DLGAP5: variants seen among roughly 807,000 people sequenced by gnomAD.
DLGAP5 encodes the protein disks large-associated protein 5.
DLGAP5 carries 90 observed loss-of-function variants against 99.6 expected under a neutral mutation model. That is an observed-to-expected ratio of 0.90 (90% CI 0.76 to 1.08). DLGAP5 has a LOEUF of 1.08. Among genes scored for constraint, DLGAP5 ranks in the 50% least tolerant of loss-of-function variants. The probability of loss-of-function intolerance (pLI) is 0.00; values close to 1 mark genes in which losing one functional copy is unlikely to be tolerated. For synonymous variants in DLGAP5, 311 were observed against 321.3 expected (o/e 0.97, Z 0.34); for missense variants, 1,036 against 983.5 (o/e 1.05, Z -0.71).
At chr14:55,169,372 A>T (rs756424202) in intron 12 of DLGAP5, 27 bp downstream of exon 12, 18 of 1,427,564 alleles carry the variant, frequency 1.3e-5, no homozygotes, top group Non-Finnish European at 1.7e-5. Context: ...CCCTAAGTTA[A>T]TATATTTGAA....
intron 7 of DLGAP5, among the ~76,000 whole-genome samples, chr14:55,178,566 G>C (rs78492545): frequency 0.012 from 1,868 of 152,312 alleles, 42 homozygotes; most frequent in African/African-American, 0.043. Context: ...TAACACTGTT[G>C]AAGCCAGCAT....
chr14:55,160,317 C>G (rs948710963), intron 13 of DLGAP5, among the ~76,000 whole-genome samples: 3 of 151,370 alleles, frequency 2.0e-5, no homozygotes, highest in African/African-American at 7.3e-5. Context: ...ACAGCTTGAA[C>G]CTGGGAGGCA....
At chr14:55,148,600 TC>T (rs1881904143) in intron 18 of DLGAP5, 127 bp from the exon 19 acceptor site, 1 of 1,543,592 alleles carries the variant, frequency 6.5e-7, no homozygotes, top group Non-Finnish European at 8.7e-7. Flanking sequence ...ACACCTGTAG[TC>T]CCAGCTACTC....
At chr14:55,167,391 G>C (rs1882682780) in intron 12 of DLGAP5, among the ~76,000 whole-genome samples, 1 of 152,054 alleles carries the variant, frequency 6.6e-6, no homozygotes, top group Non-Finnish European at 1.5e-5. Context: ...TATGAAAACT[G>C]GTAAATATAT....
intron 10 of DLGAP5, among the ~76,000 whole-genome samples, chr14:55,172,943 T>C (rs1162986770): frequency 5.8e-5 from 8 of 138,084 alleles, no homozygotes; most frequent in African/African-American, 1.4e-4. Flanking sequence ...GATCGCGCCA[T>C]TGCACTCCGG....
At chr14:55,153,827 G>T (rs1882107737) in intron 15 of DLGAP5, among the ~76,000 whole-genome samples, 1 of 152,242 alleles carries the variant, frequency 6.6e-6, no homozygotes, top group South Asian at 2.1e-4. Context: ...GGAGGCCAAG[G>T]CTGGCAGATC....
At chr14:55,156,313 G>A (rs1161017990) in intron 14 of DLGAP5, among the ~76,000 whole-genome samples, 1 of 152,018 alleles carries the variant, frequency 6.6e-6, no homozygotes, top group Non-Finnish European at 1.5e-5. Flanking sequence ...AAAAACAGAA[G>A]GGTCTCTGGT....
chr14:55,187,651 G>T lies in DLGAP5; in HGVS notation c.238+1291C>A, dbSNP rs117960428. Among the ~76,000 whole-genome samples, 225 of 149,812 alleles carry T rather than the reference G, an allele frequency of 1.5e-3. 5 individuals carry two copies. The East Asian group carries it at 0.042, about 28-fold the overall frequency. On this transcript the variant is annotated intron_variant, in intron 2 of 18. Transcript: ENST00000247191. ...TCTTTTTTTTTTTTTTAGGAGACAG[G>T]ATCTCCATGTGTGGCCGAGGCCAGA... is the stretch of plus-strand genomic sequence containing the variant.
rs1257972861 is a variant in DLGAP5, at chr14:55,183,723, C to T, written c.269G>A (p.Arg90Gln). The change falls in exon 3 of 19, where the codon CGA becomes CAA. Residue 90 changes from arginine (R) to glutamine (Q), a missense_variant. Transcript: ENST00000247191. ...RAMKTILGDQ[R>Q]KQMLQKYKEE... ...TTTGTATTTTTGGAGCATCTGTTTT[C>T]GTTGATCACCTAGAATAGTTTTCAT... 2.5e-6 allele frequency: 4 copies of T among 1,603,740 alleles called. No individual in the cohort carries two copies. The highest frequency in any genetic ancestry group is 3.4e-6 in the Non-Finnish European group (4 of 1,175,516).
chr14:55,161,024 A>C (rs1248102168), intron 13 of DLGAP5, among the ~76,000 whole-genome samples: 1 of 152,114 alleles, frequency 6.6e-6, no homozygotes, highest in Admixed American at 6.6e-5. Flanking sequence ...ATGTTTAAAG[A>C]CTGATGGAAA....
At chr14:55,170,881 TATAAA>T in intron 10 of DLGAP5, 94 bp from the exon 11 acceptor site, 1 of 852,530 alleles carries the variant, frequency 1.2e-6, no homozygotes, top group Non-Finnish European at 1.9e-6. Context: ...ATTAGGAAGT[TATAAA>T]AGGGAGCCAC....
intron 12 of DLGAP5, among the ~76,000 whole-genome samples, chr14:55,165,571 C>T (rs72718810): frequency 0.01 from 1,584 of 152,070 alleles, 9 homozygotes; most frequent in Middle Eastern, 0.024. Context: ...TGAGATACCT[C>T]ATACCCACTA....
chr14:55,175,238 C>A (rs1263697606), intron 10 of DLGAP5, 108 bp downstream of exon 10: 2 of 910,160 alleles, frequency 2.2e-6, no homozygotes, highest in Non-Finnish European at 3.3e-6. Flanking sequence ...GTGAAAATCA[C>A]CTAACACCAG....
intron 12 of DLGAP5, among the ~76,000 whole-genome samples, chr14:55,165,449 G>C (rs1029685356): frequency 1.3e-5 from 2 of 152,078 alleles, no homozygotes; most frequent in African/African-American, 4.8e-5. Flanking sequence ...TTTGAGCCCA[G>C]GAAGTGGAGG....
chr14:55,185,638 T>G (rs971920074), intron 2 of DLGAP5, among the ~76,000 whole-genome samples: 1 of 152,176 alleles, frequency 6.6e-6, no homozygotes, highest in African/African-American at 2.4e-5. Flanking sequence ...CATGCGCCAC[T>G]GCGCCTGGCT....
intron 16 of DLGAP5, among the ~76,000 whole-genome samples, 156 bp from the exon 17 acceptor site, chr14:55,152,097 CAA>C (rs777525315): frequency 3.3e-5 from 5 of 152,176 alleles, no homozygotes; most frequent in Non-Finnish European, 5.9e-5. Context: ...GCTTCTTCAA[CAA>C]TTAGTTCAGA....
intron 14 of DLGAP5, among the ~76,000 whole-genome samples, chr14:55,155,889 C>T (rs995972155): frequency 2.0e-5 from 3 of 151,278 alleles, no homozygotes; most frequent in African/African-American, 4.9e-5. Context: ...AAGATCGAGA[C>T]CATCCTGGCT....
At chr14:55,184,456 T>C (rs943839149) in intron 2 of DLGAP5, among the ~76,000 whole-genome samples, 2 of 152,222 alleles carry the variant, frequency 1.3e-5, no homozygotes, top group African/African-American at 4.8e-5. Flanking sequence ...TTTAAATTAA[T>C]TAACTTGTAT....
chr14:55,158,823 A>G, intron 13 of DLGAP5, 82 bp from the exon 14 acceptor site: 1 of 966,764 alleles, frequency 1.0e-6, no homozygotes, highest in East Asian at 2.6e-5. Flanking sequence ...TTCATCACTT[A>G]AAAATTTAAT....
Sources: gnomAD v4.1 joint callset for allele counts (sites outside exome capture counted in the v4.1 genomes callset) on GRCh38, gnomAD v4.1.1 for gene constraint, MANE v1.5 for transcripts, NCBI Gene and HGNC (gene_info 2026-07-23, HGNC 2026-07-21) for gene names.